Variants in SLC16A2 observed in about 807,000 individuals in gnomAD.
The protein encoded by SLC16A2 is monocarboxylate transporter 8.
In SLC16A2, 3 loss-of-function variants were observed where a neutral mutation model predicts 27.2. The observed-to-expected ratio is 0.11, with a 90% confidence interval of 0.05 to 0.28. The LOEUF is 0.28. Among genes scored for constraint, SLC16A2 ranks in the 10% least tolerant of loss-of-function variants. SLC16A2 has a pLI of 1.00. For missense variants in SLC16A2, 295 were observed against 458.5 expected, an observed-to-expected ratio of 0.64 and a Z score of 3.26; for synonymous variants, 202 against 187.8, an observed-to-expected ratio of 1.08 and a Z score of -0.62.
intron 1 of SLC16A2, among the ~76,000 whole-genome samples, chrX:74,434,434 G>C (rs1041308285): frequency 8.1e-5 from 9 of 111,594 alleles, no homozygotes; most frequent in Non-Finnish European, 1.5e-4. Flanking sequence ...TTGCCCTCTG[G>C]CAGCCTAGTG....
At chrX:74,519,574 G>A (rs1165333794) in intron 1 of SLC16A2, among the ~76,000 whole-genome samples, 1 of 105,090 alleles carries the variant, frequency 9.5e-6, no homozygotes, top group Admixed American at 1.0e-4. Context: ...AAATTAGCCG[G>A]GCGTGGTGGC....
At chrX:74,493,900 T>C (rs1929885263) in intron 1 of SLC16A2, among the ~76,000 whole-genome samples, 1 of 111,655 alleles carries the variant, frequency 9.0e-6, no homozygotes, top group Non-Finnish European at 1.9e-5. Context: ...CCCCCAGCCC[T>C]GGGCCAGACT....
chrX:74,507,865 T>C (rs926928269), intron 1 of SLC16A2, among the ~76,000 whole-genome samples: 1 of 112,385 alleles, frequency 8.9e-6, no homozygotes, highest in East Asian at 2.8e-4. Context: ...CTTGTGTATA[T>C]ATACTACATT....
At chrX:74,462,528 C>T (rs765184084) in intron 1 of SLC16A2, among the ~76,000 whole-genome samples, 22 of 111,444 alleles carry the variant, frequency 2.0e-4, no homozygotes, top group Non-Finnish European at 3.6e-4. Context: ...ACATGTTGGC[C>T]GGGCTGGTCT....
intron 1 of SLC16A2, among the ~76,000 whole-genome samples, chrX:74,429,236 G>A (rs957330107): frequency 9.0e-6 from 1 of 111,655 alleles, no homozygotes; most frequent in Non-Finnish European, 1.9e-5. Flanking sequence ...GGGAGGCTGA[G>A]GCAGGAGGAT....
At chrX:74,436,980 A>C (rs922445251) in intron 1 of SLC16A2, among the ~76,000 whole-genome samples, 4 of 112,580 alleles carry the variant, frequency 3.6e-5, no homozygotes, top group Middle Eastern at 4.6e-3. Flanking sequence ...TCTATTGGAT[A>C]ATCCTGTACT....
intron 1 of SLC16A2, among the ~76,000 whole-genome samples, chrX:74,429,841 C>G (rs1275791388): frequency 9.0e-6 from 1 of 111,666 alleles, no homozygotes; most frequent in Non-Finnish European, 1.9e-5. Flanking sequence ...AGAGCTCTTC[C>G]TTTGTTCATG....
intron 1 of SLC16A2, among the ~76,000 whole-genome samples, chrX:74,495,960 AG>A (rs758007840): frequency 2.3e-4 from 25 of 111,033 alleles, no homozygotes; most frequent in Middle Eastern, 4.7e-3. Flanking sequence ...GGTGTTCAGG[AG>A]GGGGCAGTGT....
At chrX:74,452,713 G>A (rs745760644) in intron 1 of SLC16A2, among the ~76,000 whole-genome samples, 26 of 110,771 alleles carry the variant, frequency 2.3e-4, no homozygotes, top group Non-Finnish European at 4.3e-4. Context: ...TACACAGGTC[G>A]TCCTTCACTG....
At chrX:74,453,571 T>TTTTATTTA (rs772057691) in intron 1 of SLC16A2, among the ~76,000 whole-genome samples, 2 of 111,494 alleles carry the variant, frequency 1.8e-5, no homozygotes, top group Non-Finnish European at 3.8e-5. Context: ...AACTGTTATT[T>TTTTATTTA]TTTATTTATT....
intron 1 of SLC16A2, among the ~76,000 whole-genome samples, chrX:74,451,045 G>A (rs1928929637): frequency 9.0e-6 from 1 of 111,520 alleles, no homozygotes; most frequent in Non-Finnish European, 1.9e-5. Context: ...GTTTCCATGG[G>A]GATCTGTGGG....
At position 74,421,679 on chromosome X, in the gene SLC16A2, C is replaced by T. The variant is rs1928296228; in HGVS notation, c.42C>T (p.Pro14=). 2.5e-6 allele frequency: 3 copies of T among 1,198,130 alleles called. No homozygotes were observed. Among genetic ancestry groups the T allele is most frequent in the Non-Finnish European group, 3.4e-6 (3 of 891,291 alleles). ...QSQASEEAKG[P]WQEADQEQQE... is the part of the protein sequence containing the mutation. ...AGGCGAGCGAGGAAGCAAAGGGGCCCTGGCAGGAGGCAGACCAGGAACAGC... is the reference window on the plus strand; with the variant it reads ...AGGCGAGCGAGGAAGCAAAGGGGCCTTGGCAGGAGGCAGACCAGGAACAGC... The change falls in exon 1 of 6, where the codon CCC becomes CCT. Residue 14 remains proline (P), a synonymous_variant. Coordinates refer to ENST00000587091, the MANE Select transcript of SLC16A2 (RefSeq NM_006517.5).
At chrX:74,520,253 G>A (rs1250105220) in intron 1 of SLC16A2, among the ~76,000 whole-genome samples, 1 of 111,320 alleles carries the variant, frequency 9.0e-6, no homozygotes, top group Non-Finnish European at 1.9e-5. Flanking sequence ...AAGATTATTT[G>A]GCGGAGAAAA....
intron 1 of SLC16A2, among the ~76,000 whole-genome samples, chrX:74,429,335 A>G (rs774900531): frequency 9.0e-6 from 1 of 110,617 alleles, no homozygotes; most frequent in Non-Finnish European, 1.9e-5. Flanking sequence ...AGGCTGGCAT[A>G]GTGGCACATG....
intron 1 of SLC16A2, among the ~76,000 whole-genome samples, chrX:74,434,497 G>A (rs1211699584): frequency 9.0e-6 from 1 of 111,051 alleles, no homozygotes; most frequent in African/African-American, 3.3e-5. Context: ...AGGGGCAGGA[G>A]GAGAGGAAAA....
At position 74,531,885 on chromosome X, in the gene SLC16A2, C is replaced by A. The variant is rs1367425711; in HGVS notation, c.*332C>A. On this transcript the variant is annotated 3_prime_UTR_variant, in exon 6 of 6. Coordinates refer to ENST00000587091, the MANE Select transcript of SLC16A2 (RefSeq NM_006517.5). Reference sequence around the variant, plus strand: ...CCTCCTGGACCCAGCTTGTTAGTCACCCACTATAATCAACTGCCAAAGGTG... The same window carrying A: ...CCTCCTGGACCCAGCTTGTTAGTCAACCACTATAATCAACTGCCAAAGGTG... The A allele has an allele frequency of 9.1e-6, 3 of 328,382 alleles. No homozygotes were observed. Among genetic ancestry groups the A allele is most frequent in the Admixed American group, 9.3e-5 (2 of 21,411 alleles). 27.1% of individuals were successfully genotyped at this position (328,382 alleles called of 1,213,427 possible). A position where few individuals can be genotyped will look rare whatever the true frequency, so the allele number is the denominator to read the frequency against.
At chrX:74,495,367 AGGACAG>A (rs1929914771) in intron 1 of SLC16A2, among the ~76,000 whole-genome samples, 1 of 109,403 alleles carries the variant, frequency 9.1e-6, no homozygotes, top group South Asian at 4.0e-4. Context: ...GAGCATCCTG[AGGACAG>A]GGGCTTTGGC....
At chrX:74,438,535 C>A (rs1928667298) in intron 1 of SLC16A2, among the ~76,000 whole-genome samples, 1 of 112,564 alleles carries the variant, frequency 8.9e-6, no homozygotes, top group African/African-American at 3.2e-5. Context: ...AAAGTGCATA[C>A]ACATACACAT....
chrX:74,530,866 A>T (rs1178563391), intron 5 of SLC16A2, among the ~76,000 whole-genome samples: 1 of 111,552 alleles, frequency 9.0e-6, no homozygotes, highest in Non-Finnish European at 1.9e-5. Flanking sequence ...AGGAACACGT[A>T]TAGCCTCTTG....
Sources: gnomAD v4.1 joint callset for allele counts (sites outside exome capture counted in the v4.1 genomes callset) on GRCh38, gnomAD v4.1.1 for gene constraint, MANE v1.5 for transcripts, NCBI Gene and HGNC (gene_info 2026-07-23, HGNC 2026-07-21) for gene names.